P2RY6: variants seen among roughly 807,000 people sequenced by gnomAD.
P2RY6 encodes P2Y purinoceptor 6.
Under a neutral mutation model 16.3 loss-of-function variants are expected in P2RY6, and 19 were observed. The observed-to-expected ratio is 1.16, with a 90% CI of 0.81 to 1.71. The LOEUF is 1.71. P2RY6 is among the 40% of genes most tolerant of loss of function. The pLI is 0.00. For missense variants in P2RY6, 389 were observed against 455.5 expected, an observed-to-expected ratio of 0.85 and a Z score of 1.33; for synonymous variants, 184 against 201.5, an observed-to-expected ratio of 0.91 and a Z score of 0.74.
At chr11:73,279,043 CTTT>C (rs766418768) in intron 1 of P2RY6, among the ~76,000 whole-genome samples, 3 of 137,700 alleles carry the variant, frequency 2.2e-5, no homozygotes, top group Admixed American at 7.3e-5. Flanking sequence ...CTAGGTTGGC[CTTT>C]TTTTTTTTTT....
chr11:73,296,915 G>A lies in P2RY6; in HGVS notation c.397G>A (p.Ala133Thr). 1 of 1,608,988 alleles carries A rather than the reference G, an allele frequency of 6.2e-7. No individual in the cohort carries two copies. ...CTACCTGGGCATCTGCCACCCGCTG[G>A]CCCCCTGGCACAAACGTGGGGGCCG... ...QRYLGICHPLAPWHKRGGRRA... is the reference protein window; with the variant it reads ...QRYLGICHPLTPWHKRGGRRA... The change falls in exon 3 of 3, where the codon GCC becomes ACC. Residue 133 changes from alanine (A) to threonine (T), a missense_variant. By Grantham distance (58) the Ala-to-Thr change is moderately conservative. Transcript: ENST00000540124.
intron 1 of P2RY6, among the ~76,000 whole-genome samples, chr11:73,281,848 C>G (rs1390340027): frequency 2.0e-5 from 3 of 152,232 alleles, no homozygotes; most frequent in Non-Finnish European, 2.9e-5. Flanking sequence ...GCTCCCCTCC[C>G]CAGTCTGTCT....
At chr11:73,284,784 A>G (rs1008852006) in intron 1 of P2RY6, among the ~76,000 whole-genome samples, 5 of 152,114 alleles carry the variant, frequency 3.3e-5, no homozygotes, top group African/African-American at 7.2e-5. Flanking sequence ...TTGAGAACCT[A>G]CTATATGCCA....
At position 73,295,778 on chromosome 11, in the gene P2RY6, A is replaced by T; in HGVS notation, c.-72A>T. ...ACCATGGCTTTGGAAGGCGGAGTTC[A>T]GGCTGAGGAGATGGGTGCGGTCCTC... On this transcript the variant is annotated 5_prime_UTR_variant, in exon 2 of 3. Coordinates refer to ENST00000540124, the MANE Select transcript of P2RY6 (RefSeq NM_001277204.2). 2 of 985,382 alleles carry T rather than the reference A, an allele frequency of 2.0e-6. No individual in the cohort carries two copies. Among genetic ancestry groups the T allele is most frequent in the Non-Finnish European group, 2.4e-6 (2 of 829,902 alleles). The allele number at this position is 985,382 out of a possible 1,614,324, so 61.0% of individuals were successfully genotyped here. A position where few individuals can be genotyped will look rare whatever the true frequency, so the allele number is the denominator to read the frequency against.
chr11:73,292,106 G>T (rs1864276440), intron 1 of P2RY6, among the ~76,000 whole-genome samples: 1 of 152,248 alleles, frequency 6.6e-6, no homozygotes, highest in African/African-American at 2.4e-5. Flanking sequence ...GGAGGGGCTG[G>T]GGTGGATGAG....
rs1387556104 is a variant in P2RY6, at chr11:73,297,615, G to A, written c.*110G>A. On this transcript the variant is annotated 3_prime_UTR_variant, in exon 3 of 3. Coordinates refer to ENST00000540124, the MANE Select transcript of P2RY6 (RefSeq NM_001277204.2). ...TTAGAGTTCAGCTCAGCTGGGCATG[G>A]AGTTAAGATCCCTCACAGGACCCAG... 6 of 854,480 alleles carry A rather than the reference G, an allele frequency of 7.0e-6. No homozygotes were observed. Among genetic ancestry groups the A allele is most frequent in the East Asian group, 2.6e-5 (1 of 37,946 alleles). 52.9% of individuals were successfully genotyped at this position (854,480 alleles called of 1,614,324 possible).
chr11:73,274,250 C>T (rs1863437483), intron 1 of P2RY6, among the ~76,000 whole-genome samples: 1 of 152,188 alleles, frequency 6.6e-6, no homozygotes, highest in Non-Finnish European at 1.5e-5. Flanking sequence ...ACTTTATTAA[C>T]TGTTGTGGCT....
At chr11:73,290,269 AAAAGAAAGGAAGGAAAGAAAG>A (rs1420556243) in intron 1 of P2RY6, among the ~76,000 whole-genome samples, 5 of 150,552 alleles carry the variant, frequency 3.3e-5, no homozygotes, top group Non-Finnish European at 5.9e-5. Context: ...AGGGGGAAAG[AAAAGAAAGGAAGGAAAGAAAG>A]AAAGAAAGAA....
intron 1 of P2RY6, among the ~76,000 whole-genome samples, chr11:73,277,430 C>T (rs1278857842): frequency 3.3e-5 from 5 of 152,150 alleles, no homozygotes; most frequent in Middle Eastern, 3.2e-3. Flanking sequence ...GATTCCGATG[C>T]AAAAAGTATG....
At chr11:73,265,695 G>T (rs1304794335) in intron 1 of P2RY6, among the ~76,000 whole-genome samples, 1 of 152,188 alleles carries the variant, frequency 6.6e-6, no homozygotes, top group Non-Finnish European at 1.5e-5. Flanking sequence ...CCACTGCCTG[G>T]GCAGGAAGGG....
At chr11:73,291,814 C>G (rs919628722) in intron 1 of P2RY6, among the ~76,000 whole-genome samples, 1 of 152,148 alleles carries the variant, frequency 6.6e-6, no homozygotes, top group Non-Finnish European at 1.5e-5. Context: ...CATATTCTAC[C>G]GAGGAGGCTC....
At chr11:73,265,959 CTG>C (rs1374133354) in intron 1 of P2RY6, among the ~76,000 whole-genome samples, 3 of 152,170 alleles carry the variant, frequency 2.0e-5, no homozygotes, top group Non-Finnish European at 4.4e-5. Flanking sequence ...TTAGGACTGA[CTG>C]AGTGCCTGGA....
At chr11:73,279,677 A>C (rs1425012213) in intron 1 of P2RY6, among the ~76,000 whole-genome samples, 8 of 152,198 alleles carry the variant, frequency 5.3e-5, no homozygotes. Flanking sequence ...TCCAGGAGAA[A>C]AAGAGTGAGA....
intron 1 of P2RY6, among the ~76,000 whole-genome samples, chr11:73,290,170 C>T (rs1445705997): frequency 1.3e-5 from 2 of 151,002 alleles, no homozygotes; most frequent in South Asian, 2.1e-4. Flanking sequence ...TGCAGTGAGC[C>T]GAGATCGTGC....
chr11:73,268,727 A>G (rs370007060), upstream of P2RY6, among the ~76,000 whole-genome samples: 2 of 152,244 alleles, frequency 1.3e-5, no homozygotes, highest in East Asian at 3.8e-4. Flanking sequence ...TCTGAATCCC[A>G]GAGGGACCAC....
rs140855214 is a variant in P2RY6, at chr11:73,295,977, C to T, written c.-35+162C>T. ...ATCCACCATGACCAGAGTCTCCACACCCCAGTGAGCCCCTGGCAGCCCTGC... is the reference window on the plus strand; with the variant it reads ...ATCCACCATGACCAGAGTCTCCACATCCCAGTGAGCCCCTGGCAGCCCTGC... On this transcript the variant is annotated intron_variant, in intron 2 of 2. Coordinates refer to ENST00000540124, the MANE Select transcript of P2RY6 (RefSeq NM_001277204.2). Among the ~76,000 whole-genome samples, 13 of 152,248 alleles carry T rather than the reference C, an allele frequency of 8.5e-5. No individual in the cohort carries two copies. The East Asian group carries it at 2.5e-3, about 29-fold the overall frequency.
At position 73,296,811 on chromosome 11, in the gene P2RY6, C is replaced by T; in HGVS notation, c.293C>T (p.Ala98Val). The T allele has an allele frequency of 3.1e-6, 5 of 1,610,640 alleles. No homozygotes were observed. Among genetic ancestry groups the T allele is most frequent in the Non-Finnish European group, 4.2e-6 (5 of 1,180,022 alleles). ...GATCACTGGCCCTTTGGCGACTTCG[C>T]CTGCCGCCTGGTCCGCTTCCTCTTC... ...QGDHWPFGDFACRLVRFLFYA... is the reference protein window; with the variant it reads ...QGDHWPFGDFVCRLVRFLFYA... Residue 98 changes from alanine (A) to valine (V), a missense_variant, in exon 3 of 3, where the codon GCC (alanine) becomes GTC (valine). Ala to Val is a moderately conservative substitution (Grantham distance 64). Transcript: ENST00000540124.
chr11:73,280,538 C>A (rs1057042690), intron 1 of P2RY6, among the ~76,000 whole-genome samples: 1 of 152,178 alleles, frequency 6.6e-6, no homozygotes, highest in African/African-American at 2.4e-5. Context: ...TCCTGTGGAA[C>A]CATCCCTCCA....
chr11:73,268,019 G>A (rs1052862369), upstream of P2RY6, among the ~76,000 whole-genome samples: 1 of 152,252 alleles, frequency 6.6e-6, no homozygotes, highest in Non-Finnish European at 1.5e-5. Context: ...CTGGAAGTGG[G>A]TCCATGCATG....
Sources: gnomAD v4.1 joint callset for allele counts (sites outside exome capture counted in the v4.1 genomes callset) on GRCh38, gnomAD v4.1.1 for gene constraint, MANE v1.5 for transcripts, NCBI Gene and HGNC (gene_info 2026-07-23, HGNC 2026-07-21) for gene names.